The following ROCK1 variants were observed in gnomAD, a reference collection of about 807,000 sequenced individuals.
The protein encoded by ROCK1 is Rho associated coiled-coil containing protein kinase 1, also known as rho-associated protein kinase 1.
A neutral mutation model predicts 196.8 loss-of-function variants in ROCK1; 36 were observed. The ratio of observed to expected loss-of-function variants is 0.18; its 90% confidence interval spans 0.14 to 0.24. ROCK1 has a LOEUF of 0.24. Ranked by LOEUF, ROCK1 falls within the 10% of genes least tolerant of loss-of-function variation. The pLI is 1.00. For synonymous variants in ROCK1, 443 were observed against 515.9 expected (o/e 0.86, Z 1.91); for missense variants, 920 against 1,562.0 (o/e 0.59, Z 6.93).
intron 2 of ROCK1, among the ~76,000 whole-genome samples, chr18:21,060,937 G>A (rs2036284425): frequency 6.7e-6 from 1 of 149,310 alleles, no homozygotes; most frequent in African/African-American, 2.5e-5. Context: ...AGGAAATAAC[G>A]AATATGTTCT....
chr18:20,956,481 T>C (rs1451522381), intron 29 of ROCK1, among the ~76,000 whole-genome samples: 1 of 152,210 alleles, frequency 6.6e-6, no homozygotes, highest in Non-Finnish European at 1.5e-5. Context: ...GGGCTGACTG[T>C]GTGTAGAAAA....
chr18:20,963,670 A>G (rs889700913), intron 27 of ROCK1, among the ~76,000 whole-genome samples: 107 of 152,276 alleles, frequency 7.0e-4, no homozygotes, highest in African/African-American at 2.5e-3. Context: ...CTATTTCTAC[A>G]TTCTCTTCAG....
intron 32 of ROCK1, among the ~76,000 whole-genome samples, chr18:20,952,846 C>T (rs1446836208): frequency 6.6e-6 from 1 of 151,684 alleles, no homozygotes; most frequent in Non-Finnish European, 1.5e-5. Context: ...AGCTGGAAAC[C>T]ATCATTCTCA....
chr18:20,968,078 G>A lies in ROCK1; in HGVS notation c.3004-138C>T, dbSNP rs139352271. The A allele has an allele frequency of 1.3e-4, 102 of 785,596 alleles. No homozygotes were observed. In the African/African-American group the frequency reaches 1.6e-3, roughly 13 times the overall value. The allele number at this position is 785,596 out of a possible 1,614,324, so 48.7% of individuals were successfully genotyped here. ...GACAACTTCATGATGGTTGAGACAT[G>A]ATAACTGGTAGCACAAGTAACTAAC... On this transcript the variant is annotated intron_variant, in intron 25 of 32. Coordinates refer to ENST00000399799, the MANE Select transcript of ROCK1 (RefSeq NM_005406.3).
chr18:21,054,940 T>C (rs778364768), intron 2 of ROCK1, among the ~76,000 whole-genome samples: 7 of 152,162 alleles, frequency 4.6e-5, no homozygotes, highest in Non-Finnish European at 1.0e-4. Flanking sequence ...CTCTAGCATC[T>C]TAACTCCAAC....
Position 20,999,715 on chromosome 18 carries a change from T to G in ROCK1, c.1885+6636A>C, listed in dbSNP as rs187118533. 1.9e-4 allele frequency among the ~76,000 whole-genome samples: 29 copies of G among 151,986 alleles called. No individual in the cohort carries two copies. The East Asian group carries it at 5.0e-3, about 26-fold the overall frequency. ...TTGGAAGACTTAATATTAGTTTTGGTTTTTTTTGAGACAAGGTCTGCCTCT... is the reference window on the plus strand; with the variant it reads ...TTGGAAGACTTAATATTAGTTTTGGGTTTTTTTGAGACAAGGTCTGCCTCT... On this transcript the variant is annotated intron_variant, in intron 16 of 32. Coordinates refer to ENST00000399799, the MANE Select transcript of ROCK1 (RefSeq NM_005406.3).
At chr18:21,097,514 G>A (rs922135162) in intron 1 of ROCK1, among the ~76,000 whole-genome samples, 10 of 152,084 alleles carry the variant, frequency 6.6e-5, no homozygotes, top group African/African-American at 1.9e-4. Flanking sequence ...AGCCTATGAC[G>A]TATTATCATG....
At position 21,069,273 on chromosome 18, in the gene ROCK1, A is replaced by G. The variant is rs181963860; in HGVS notation, c.175+1259T>C. 2.6e-4 allele frequency among the ~76,000 whole-genome samples: 39 copies of G among 152,176 alleles called. No individual in the cohort carries two copies. In the East Asian group the frequency reaches 6.2e-3, roughly 24 times the overall value. Reference sequence around the variant, plus strand: ...AAGCTAACTGATTTTTGAATTTTATACTAACTTAGTAATCCTGGCATAAAC... The same window carrying G: ...AAGCTAACTGATTTTTGAATTTTATGCTAACTTAGTAATCCTGGCATAAAC... On this transcript the variant is annotated intron_variant, in intron 2 of 32. Coordinates refer to ENST00000399799, the MANE Select transcript of ROCK1 (RefSeq NM_005406.3).
chr18:21,000,188 A>G (rs1029062910), intron 16 of ROCK1, among the ~76,000 whole-genome samples: 1 of 152,232 alleles, frequency 6.6e-6, no homozygotes, highest in African/African-American at 2.4e-5. Context: ...TGGCATAAGG[A>G]CAAACACACA....
At chr18:21,060,130 C>G (rs2036276310) in intron 2 of ROCK1, among the ~76,000 whole-genome samples, 1 of 152,120 alleles carries the variant, frequency 6.6e-6, no homozygotes, top group Non-Finnish European at 1.5e-5. Context: ...TTGCACAACT[C>G]TGAAAATACA....
intron 2 of ROCK1, among the ~76,000 whole-genome samples, chr18:21,055,089 C>A (rs576474449): frequency 6.6e-6 from 1 of 152,284 alleles, no homozygotes; most frequent in African/African-American, 2.4e-5. Flanking sequence ...CTTGCATATA[C>A]CTTTAATGTC....
At chr18:20,959,105 ATATATATATT>A (rs2035293104) in intron 29 of ROCK1, among the ~76,000 whole-genome samples, 5 of 33,924 alleles carry the variant, frequency 1.5e-4, no homozygotes, top group Non-Finnish European at 2.1e-4. Flanking sequence ...TATATATATT[ATATATATATT>A]ATATAATATA....
intron 1 of ROCK1, among the ~76,000 whole-genome samples, chr18:21,109,872 T>C (rs2143614096): frequency 6.6e-6 from 1 of 152,320 alleles, no homozygotes; most frequent in Admixed American, 6.5e-5. Context: ...ATATCTAACA[T>C]TATTTCACCG....
intron 23 of ROCK1, 85 bp from the exon 24 acceptor site, chr18:20,969,293 T>C (rs2035404211): frequency 1.3e-6 from 1 of 757,676 alleles, no homozygotes; most frequent in Non-Finnish European, 2.2e-6. Context: ...TACTGCTAGA[T>C]AAAGACAGGT....
rs564091803 is a variant in ROCK1 at position 21,051,759 on chromosome 18, G to C, written c.176-1879C>G. On this transcript the variant is annotated intron_variant, in intron 2 of 32. Transcript: ENST00000399799. The stretch of plus-strand genomic sequence containing the variant: ...ATGAGGTTAAAGGTGTCAGAGAAGA[G>C]ACAGAGCCTCATCTACTTCAGGCTC... 7.9e-5 allele frequency among the ~76,000 whole-genome samples: 12 copies of C among 152,330 alleles called. No homozygotes were observed. In the East Asian group the frequency reaches 2.1e-3, roughly 27 times the overall value.
intron 25 of ROCK1, 84 bp downstream of exon 25, chr18:20,968,688 A>AATTAT: frequency 1.3e-6 from 1 of 793,436 alleles, no homozygotes; most frequent in Non-Finnish European, 2.2e-6. Context: ...TGAACCTTAT[A>AATTAT]AGCCTTGGTT....
intron 21 of ROCK1, among the ~76,000 whole-genome samples, chr18:20,980,605 G>A (rs553484085): frequency 6.6e-6 from 1 of 152,234 alleles, no homozygotes; most frequent in African/African-American, 2.4e-5. Context: ...CACTTAAAAT[G>A]GGTATATTAT....
At chr18:21,002,442 A>AGATG (rs1303085749) in intron 16 of ROCK1, among the ~76,000 whole-genome samples, 1 of 152,202 alleles carries the variant, frequency 6.6e-6, no homozygotes, top group East Asian at 1.9e-4. Context: ...ATATTTTAAA[A>AGATG]ATTCACTAAT....
At chr18:21,061,083 T>A (rs1193147376) in intron 2 of ROCK1, among the ~76,000 whole-genome samples, 1 of 151,034 alleles carries the variant, frequency 6.6e-6, no homozygotes, top group African/African-American at 2.4e-5. Context: ...TGCTTTTATT[T>A]TTTTTTTTTT....
Sources: gnomAD v4.1 joint callset for allele counts (sites outside exome capture counted in the v4.1 genomes callset) on GRCh38, gnomAD v4.1.1 for gene constraint, MANE v1.5 for transcripts, NCBI Gene and HGNC (gene_info 2026-07-23, HGNC 2026-07-21) for gene names.